Variants in COBL observed in about 807,000 individuals in gnomAD.
COBL encodes cordon-bleu WH2 repeat protein, also known as protein cordon-bleu.
In COBL, 51 loss-of-function variants were observed where a neutral mutation model predicts 98.8. The observed-to-expected ratio is 0.52, with a 90% CI of 0.41 to 0.65. The LOEUF is 0.65. COBL is among the 30% of genes least tolerant of loss of function. The pLI, the probability that COBL is intolerant of heterozygous loss-of-function variation, is 0.00. For missense variants in COBL, 1,617 were observed against 1,617.5 expected (o/e 1.00, Z 0.01); for synonymous variants, 634 against 651.7 (o/e 0.97, Z 0.41).
intron 3 of COBL, among the ~76,000 whole-genome samples, chr7:51,192,147 G>A (rs140002926): frequency 6.6e-6 from 1 of 152,268 alleles, no homozygotes; most frequent in East Asian, 1.9e-4. Context: ...GAGTGTTCCA[G>A]ATAACAGTGA....
chr7:51,174,323 G>T (rs1788158338), intron 5 of COBL, among the ~76,000 whole-genome samples: 1 of 152,080 alleles, frequency 6.6e-6, no homozygotes, highest in Non-Finnish European at 1.5e-5. Flanking sequence ...AACTAAATGA[G>T]GCTGCATTTA....
chr7:51,055,433 C>A (rs1790647566), intron 7 of COBL, among the ~76,000 whole-genome samples: 1 of 152,236 alleles, frequency 6.6e-6, no homozygotes, highest in Non-Finnish European at 1.5e-5. Context: ...TAGCAGGGCA[C>A]AGGGTCAATG....
intron 1 of COBL, among the ~76,000 whole-genome samples, chr7:51,274,087 C>T (rs1038435752): frequency 3.9e-5 from 6 of 152,156 alleles, no homozygotes; most frequent in African/African-American, 1.4e-4. Context: ...CCCCCCAGTC[C>T]ATGCCTTAAG....
At chr7:51,042,504 C>T (rs1435029357) in intron 8 of COBL, among the ~76,000 whole-genome samples, 2 of 152,070 alleles carry the variant, frequency 1.3e-5, no homozygotes, top group Non-Finnish European at 2.9e-5. Flanking sequence ...GGACTACAGG[C>T]ACATGCTACC....
At chr7:51,091,473 T>C (rs377559088) in intron 6 of COBL, among the ~76,000 whole-genome samples, 44 of 152,074 alleles carry the variant, frequency 2.9e-4, no homozygotes, top group East Asian at 1.2e-3. Context: ...GTTGAAATTA[T>C]TGAGTAAAGG....
intron 1 of COBL, among the ~76,000 whole-genome samples, chr7:51,231,171 C>T (rs10226138): frequency 0.038 from 5,821 of 152,262 alleles, 335 homozygotes; most frequent in African/African-American, 0.13. Context: ...AAAACCCATA[C>T]CACAGTGGCT....
In COBL at chr7:51,225,977, A is replaced by C. The variant is rs142642916; in HGVS notation, c.42-6033T>G. Among the ~76,000 whole-genome samples the C allele has an allele frequency of 6.3e-3, 952 of 152,316 alleles. 12 individuals are homozygous for C. Among genetic ancestry groups the C allele is most frequent in the African/African-American group, 0.022 (897 of 41,558 alleles). The stretch of plus-strand genomic sequence containing the variant: ...CAGGGACTGCATGCTGAAAAGGGAA[A>C]ATTCATGCGTCTCTGTACTTTCCCA... On this transcript the variant is annotated intron_variant, in intron 1 of 12. Coordinates refer to ENST00000265136, the MANE Select transcript of COBL (RefSeq NM_015198.5).
At chr7:51,155,161 G>C (rs1785992923) in intron 5 of COBL, among the ~76,000 whole-genome samples, 2 of 152,302 alleles carry the variant, frequency 1.3e-5, no homozygotes, top group Middle Eastern at 3.4e-3. Context: ...GGAAGAAGGG[G>C]CAGAAATGGT....
intron 2 of COBL, among the ~76,000 whole-genome samples, chr7:51,213,415 A>G (rs1348223572): frequency 2.0e-5 from 3 of 152,204 alleles, no homozygotes; most frequent in African/African-American, 7.2e-5. Context: ...CTAGTGATAC[A>G]CATAATGCGC....
chr7:51,251,451 T>C (rs571038498), intron 1 of COBL, among the ~76,000 whole-genome samples: 3 of 152,182 alleles, frequency 2.0e-5, no homozygotes, highest in Non-Finnish European at 4.4e-5. Flanking sequence ...AAACCACCCA[T>C]GTGTGATCAT....
At chr7:51,206,611 T>G (rs1419847192) in intron 2 of COBL, among the ~76,000 whole-genome samples, 2 of 152,038 alleles carry the variant, frequency 1.3e-5, no homozygotes, top group East Asian at 3.8e-4. Context: ...AGCCAAGAAG[T>G]GGAAGTAACC....
intron 2 of COBL, among the ~76,000 whole-genome samples, chr7:51,218,108 G>A (rs1473915476): frequency 6.6e-6 from 1 of 152,202 alleles, no homozygotes; most frequent in Non-Finnish European, 1.5e-5. Flanking sequence ...TGGTGCAGCT[G>A]AAATACTGTA....
intron 1 of COBL, among the ~76,000 whole-genome samples, chr7:51,228,426 T>C (rs1794413056): frequency 6.6e-6 from 1 of 151,910 alleles, no homozygotes; most frequent in African/African-American, 2.4e-5. Context: ...GCAGGCCTCT[T>C]GTCTCTGCGA....
chr7:51,100,777 CCTGTAGTCCCAG>C (rs1375984849), intron 6 of COBL, among the ~76,000 whole-genome samples: 2 of 152,280 alleles, frequency 1.3e-5, no homozygotes, highest in African/African-American at 4.8e-5. Context: ...GTGGCCCACA[CCTGTAGTCCCAG>C]CTACTCAAGA....
At chr7:51,167,403 A>G (rs911173120) in intron 5 of COBL, among the ~76,000 whole-genome samples, 13 of 152,158 alleles carry the variant, frequency 8.5e-5, no homozygotes, top group African/African-American at 3.1e-4. Flanking sequence ...AAAGATCTCT[A>G]TAATTTAAAC....
chr7:51,053,607 C>T (rs954144897), intron 7 of COBL, among the ~76,000 whole-genome samples: 1 of 152,216 alleles, frequency 6.6e-6, no homozygotes, highest in Admixed American at 6.5e-5. Flanking sequence ...TATTACAGGT[C>T]ACTTTCTATA....
intron 8 of COBL, chr7:51,035,284 T>A (rs191720726): frequency 3.3e-5 from 5 of 152,108 alleles, no homozygotes; most frequent in Admixed American, 2.0e-4. Flanking sequence ...ATCTGACCAA[T>A]CCGAAATGTA....
chr7:51,085,254 T>C lies in COBL; in HGVS notation c.1008A>G (p.Pro336=), dbSNP rs749707618. The C allele has an allele frequency of 6.2e-7, 1 of 1,608,434 alleles. No homozygotes were observed. The highest frequency in any genetic ancestry group is 1.1e-5 in the South Asian group (1 of 90,860). Residue 336 remains proline (P), a synonymous_variant, in exon 7 of 13, where the codon CCA becomes CCG. Transcript: ENST00000265136. The stretch of plus-strand genomic sequence containing the variant: ...GTGGTGGCTGTGGTGGAGGGGGAGC[T>C]GGCGCTCGCCGCTTCTTCTTCTGTA... ...IDLQKKKRRA[P]APPPPQPPPP...
intron 1 of COBL, among the ~76,000 whole-genome samples, chr7:51,309,111 C>T (rs1001010863): frequency 6.6e-6 from 1 of 152,180 alleles, no homozygotes; most frequent in African/African-American, 2.4e-5. Flanking sequence ...TCCCCCGGCC[C>T]TCACAGGAGT....
Sources: allele counts gnomAD v4.1 joint callset (sites outside exome capture counted in the v4.1 genomes callset), GRCh38; gene constraint gnomAD v4.1.1; transcripts MANE v1.5; gene names NCBI Gene and HGNC (gene_info 2026-07-23, HGNC 2026-07-21).